DPP10: variants seen among roughly 807,000 people sequenced by gnomAD.
DPP10 encodes the protein dipeptidyl peptidase like 10.
A neutral mutation model predicts 120.9 loss-of-function variants in DPP10; 33 were observed. The ratio of observed to expected loss-of-function variants is 0.27; its 90% CI spans 0.21 to 0.37. The LOEUF (loss-of-function observed/expected upper bound fraction) is 0.37, where lower values mean the gene tolerates loss of function less well. Among genes scored for constraint, DPP10 ranks in the 10% least tolerant of loss-of-function variants. The pLI is 1.00. For missense variants in DPP10, 816 were observed against 942.8 expected (o/e 0.87, Z 1.76); for synonymous variants, 337 against 326.1 (o/e 1.03, Z -0.36).
At chr2:114,974,932 G>A (rs1282077628) in intron 1 of DPP10, among the ~76,000 whole-genome samples, 1 of 151,836 alleles carries the variant, frequency 6.6e-6, no homozygotes, top group Non-Finnish European at 1.5e-5. Flanking sequence ...TAAATGGAAT[G>A]TTTTGAGAGG....
At chr2:115,377,014 A>G (rs765723198) in intron 3 of DPP10, among the ~76,000 whole-genome samples, 1,659 of 150,090 alleles carry the variant, frequency 0.011, 7 homozygotes, top group Non-Finnish European at 0.017. Flanking sequence ...ATAAACATAC[A>G]TGTGCATGTG....
At chr2:114,974,016 T>A (rs1699580098) in intron 1 of DPP10, among the ~76,000 whole-genome samples, 1 of 152,208 alleles carries the variant, frequency 6.6e-6, no homozygotes, top group Admixed American at 6.5e-5. Context: ...TAAGTGTTAT[T>A]ACAGAAGAAT....
At position 114,854,790 on chromosome 2, in the gene DPP10, C is replaced by G. The variant is rs144620162; in HGVS notation, c.60+411952C>G. On this transcript the variant is annotated intron_variant, in intron 1 of 25. Coordinates refer to ENST00000410059, the MANE Select transcript of DPP10 (RefSeq NM_020868.6). ...GTGGCACTTTCATTTCTTTTATATT[C>G]TTTAATTTGTTATTGAAAATGAATC... 5.6e-3 allele frequency among the ~76,000 whole-genome samples: 845 copies of G among 152,154 alleles called. 1 individual carries two copies. The highest frequency in any genetic ancestry group is 0.019 in the African/African-American group (805 of 41,532).
intron 5 of DPP10, among the ~76,000 whole-genome samples, chr2:115,604,294 A>G (rs903170282): frequency 6.6e-6 from 1 of 152,166 alleles, no homozygotes; most frequent in African/African-American, 2.4e-5. Flanking sequence ...TAGTCTTTGT[A>G]TATGCCACAG....
chr2:115,120,533 G>T (rs1453832646), intron 1 of DPP10, among the ~76,000 whole-genome samples: 1 of 152,122 alleles, frequency 6.6e-6, no homozygotes, highest in Non-Finnish European at 1.5e-5. Flanking sequence ...AGCATAGCTA[G>T]GGGGCATGCC....
At chr2:115,068,676 G>A (rs13411482) in intron 1 of DPP10, among the ~76,000 whole-genome samples, 144 of 152,090 alleles carry the variant, frequency 9.5e-4, no homozygotes, top group African/African-American at 3.3e-3. Flanking sequence ...TTCCTATGTT[G>A]TCTTTCAATA....
chr2:114,723,546 G>A (rs1284133813), intron 1 of DPP10, among the ~76,000 whole-genome samples: 2 of 152,140 alleles, frequency 1.3e-5, no homozygotes, highest in Non-Finnish European at 2.9e-5. Context: ...GAGTTCATTG[G>A]CTCAGAGCAA....
chr2:115,427,173 C>T lies in DPP10; in HGVS notation c.272-72337C>T, dbSNP rs555103796. ...GGCAGCTCTGCTCCTGTGTCTTTTCCGCACTGAAGTTTCAAGCTGCTGTTG... is the reference window on the plus strand; with the variant it reads ...GGCAGCTCTGCTCCTGTGTCTTTTCTGCACTGAAGTTTCAAGCTGCTGTTG... On this transcript the variant is annotated intron_variant, in intron 3 of 25. Coordinates refer to ENST00000410059, the MANE Select transcript of DPP10 (RefSeq NM_020868.6). Among the ~76,000 whole-genome samples the T allele has an allele frequency of 1.5e-3, 234 of 152,288 alleles. 1 individual carries two copies. The highest frequency in any genetic ancestry group is 5.3e-3 in the African/African-American group (219 of 41,582).
rs138071531 is a variant in DPP10 at position 114,473,658 on chromosome 2, C to A, written c.60+30820C>A. ...ATTGTGAACAGTCCCAGATATTGAA[C>A]CTTAGAGGACTCATGAAGTTACATA... On this transcript the variant is annotated intron_variant, in intron 1 of 25. Coordinates refer to ENST00000410059, the MANE Select transcript of DPP10 (RefSeq NM_020868.6). Among the ~76,000 whole-genome samples the A allele has an allele frequency of 2.1e-3, 320 of 152,148 alleles. 1 individual carries two copies. Among genetic ancestry groups the A allele is most frequent in the African/African-American group, 6.9e-3 (287 of 41,502 alleles).
At chr2:115,541,237 T>G (rs1028947671) in intron 5 of DPP10, among the ~76,000 whole-genome samples, 1 of 151,922 alleles carries the variant, frequency 6.6e-6, no homozygotes, top group Non-Finnish European at 1.5e-5. Context: ...CAACATCCCA[T>G]GCCCCAAAAA....
In DPP10 at chr2:115,712,540, T is replaced by TTTTATATATATATATATATATATATA. The variant is rs778592374; in HGVS notation, c.577-15275_577-15274insTTATATATATATATATATATATATAT. Among the ~76,000 whole-genome samples the TTTTATATATATATATATATATATATA allele has an allele frequency of 9.3e-3, 167 of 18,024 alleles. 8 individuals are homozygous for TTTTATATATATATATATATATATATA. The highest frequency in any genetic ancestry group is 0.076 in the East Asian group (21 of 278). The allele number at this position is 18,024 out of a possible 152,430, so 11.8% of individuals were successfully genotyped here. ...AGAAATAGCTTTGAAGAGTCCTGAA[T>TTTTATATATATATATATATATATATA]TAAATATATATATATATATATATAT... On this transcript the variant is annotated intron_variant, in intron 7 of 25. Coordinates refer to ENST00000410059, the MANE Select transcript of DPP10 (RefSeq NM_020868.6).
intron 5 of DPP10, 155 bp downstream of exon 5, chr2:115,526,127 A>G: frequency 1.8e-6 from 1 of 543,912 alleles, no homozygotes; most frequent in South Asian, 2.7e-5. Flanking sequence ...AAGATGTTTG[A>G]AGATAATGTC....
At chr2:114,625,244 T>G (rs971619527) in intron 1 of DPP10, among the ~76,000 whole-genome samples, 3 of 151,960 alleles carry the variant, frequency 2.0e-5, no homozygotes, top group African/African-American at 7.2e-5. Flanking sequence ...TTTCACCAAG[T>G]GCAGATTTTG....
chr2:115,712,039 G>A (rs923345096), intron 7 of DPP10, among the ~76,000 whole-genome samples: 4 of 151,304 alleles, frequency 2.6e-5, no homozygotes, highest in African/African-American at 9.7e-5. Flanking sequence ...TGGGGCAGGG[G>A]AGGGATGGTT....
intron 2 of DPP10, among the ~76,000 whole-genome samples, chr2:115,335,087 T>G (rs2106202161): frequency 6.6e-6 from 1 of 152,016 alleles, no homozygotes; most frequent in African/African-American, 2.4e-5. Flanking sequence ...AGTCACATCT[T>G]ACGGGGATGG....
chr2:115,381,875 G>T (rs1049458430), intron 3 of DPP10, among the ~76,000 whole-genome samples: 11 of 152,030 alleles, frequency 7.2e-5, no homozygotes, highest in African/African-American at 2.2e-4. Context: ...GGGGGTCAGG[G>T]GTCAGGGACC....
In DPP10 at chr2:115,836,500, G is replaced by A; in HGVS notation, c.2051-7G>A. The A allele has an allele frequency of 6.2e-7, 1 of 1,612,718 alleles. No individual in the cohort carries two copies. Among genetic ancestry groups the A allele is most frequent in the Non-Finnish European group, 8.5e-7 (1 of 1,179,642 alleles). On this transcript the variant is annotated splice_region_variant and splice_polypyrimidine_tract_variant and intron_variant, in intron 22 of 25. Transcript: ENST00000410059. The stretch of plus-strand genomic sequence containing the variant: ...TCTTCTCGAATGTCTGTTTTCTTGG[G>A]TCACAGCCTCAGCTTTCTCTGAAAG...
At chr2:115,153,011 A>T (rs953330270) in intron 1 of DPP10, among the ~76,000 whole-genome samples, 2 of 152,102 alleles carry the variant, frequency 1.3e-5, no homozygotes, top group African/African-American at 4.8e-5. Flanking sequence ...AGCCAGATGG[A>T]TGCCTACCCA....
intron 1 of DPP10, among the ~76,000 whole-genome samples, chr2:115,290,263 G>T (rs577797935): frequency 6.6e-6 from 1 of 152,184 alleles, no homozygotes; most frequent in Admixed American, 6.5e-5. Context: ...TGGTGTTTAG[G>T]AGTGAAGTGT....
Sources: allele counts gnomAD v4.1 joint callset (sites outside exome capture counted in the v4.1 genomes callset), GRCh38; gene constraint gnomAD v4.1.1; transcripts MANE v1.5; gene names NCBI Gene and HGNC (gene_info 2026-07-23, HGNC 2026-07-21).